FAM178B: variants seen among roughly 807,000 people sequenced by gnomAD.
FAM178B encodes protein FAM178B.
FAM178B carries 82 observed loss-of-function variants against 91.7 expected under a neutral mutation model. That is an observed-to-expected ratio of 0.89 (90% CI 0.75 to 1.07). The LOEUF is 1.07. Ranked by LOEUF, FAM178B falls within the 50% of genes least tolerant of loss-of-function variation. The probability of loss-of-function intolerance (pLI) is 0.00; values close to 1 mark genes in which losing one functional copy is unlikely to be tolerated. For synonymous variants in FAM178B, 368 were observed against 359.4 expected, an observed-to-expected ratio of 1.02 and a Z score of -0.27; for missense variants, 769 against 846.7, an observed-to-expected ratio of 0.91 and a Z score of 1.14.
intron 7 of FAM178B, among the ~76,000 whole-genome samples, chr2:96,951,085 G>A (rs917890880): frequency 1.3e-5 from 2 of 152,318 alleles, no homozygotes; most frequent in African/African-American, 4.8e-5. Flanking sequence ...GGAAAGCCAC[G>A]TGAGGGCACA....
At chr2:96,896,107 G>A (rs1409392466) in intron 13 of FAM178B, among the ~76,000 whole-genome samples, 2 of 152,196 alleles carry the variant, frequency 1.3e-5, no homozygotes, top group Non-Finnish European at 2.9e-5. Context: ...TCACAGCTGT[G>A]CAAGCATAGG....
At chr2:96,934,208 T>G (rs1008183575) in intron 8 of FAM178B, among the ~76,000 whole-genome samples, 1 of 152,146 alleles carries the variant, frequency 6.6e-6, no homozygotes, top group Non-Finnish European at 1.5e-5. Context: ...AGCCCAATGA[T>G]GCTGGGTGGC....
intron 6 of FAM178B, among the ~76,000 whole-genome samples, chr2:96,955,493 A>G (rs2081986923): frequency 6.6e-6 from 1 of 151,436 alleles, no homozygotes; most frequent in Non-Finnish European, 1.5e-5. Flanking sequence ...CCTGGGAGAC[A>G]GAGCAAGACT....
intron 7 of FAM178B, among the ~76,000 whole-genome samples, chr2:96,949,297 G>T (rs984148376): frequency 6.6e-6 from 1 of 152,166 alleles, no homozygotes; most frequent in African/African-American, 2.4e-5. Flanking sequence ...GGCTCAGTAG[G>T]GACCCCAGGT....
In FAM178B at chr2:96,960,418, C is replaced by T. The variant is rs1156968870; in HGVS notation, c.757G>A (p.Val253Met). The T allele has an allele frequency of 1.3e-6, 2 of 1,548,480 alleles. No individual in the cohort carries two copies. Among genetic ancestry groups the T allele is most frequent in the African/African-American group, 2.7e-5 (2 of 72,986 alleles). ...ACCGGCGGGATGGTCTGCAGGGACA[C>T]TGAGTACTTTTCCACCAGCATCCTG... is the stretch of plus-strand genomic sequence containing the variant. ...EHRMLVEKYS[V>M]SLQTIPPVHP... The change falls in exon 6 of 17, where the codon GTG (valine) becomes ATG (methionine). Residue 253 changes from valine to methionine, a missense_variant. Coordinates refer to ENST00000490605, the MANE Select transcript of FAM178B (RefSeq NM_001122646.3).
At chr2:96,977,230 C>T (rs1237211182) in intron 1 of FAM178B, among the ~76,000 whole-genome samples, 7 of 79,930 alleles carry the variant, frequency 8.8e-5, no homozygotes, top group Non-Finnish European at 1.8e-4. Context: ...AAAGAAAATA[C>T]AAAAATTAGC....
chr2:96,885,222 T>C (rs924675678), intron 14 of FAM178B, among the ~76,000 whole-genome samples: 3 of 152,210 alleles, frequency 2.0e-5, no homozygotes, highest in Non-Finnish European at 4.4e-5. Context: ...TGAATGGCCA[T>C]TGAATGGAAG....
intron 1 of FAM178B, among the ~76,000 whole-genome samples, chr2:96,983,449 G>C (rs1477741723): frequency 1.3e-5 from 2 of 151,632 alleles, no homozygotes; most frequent in African/African-American, 4.8e-5. Flanking sequence ...ATATATTTTT[G>C]AGACATAGTC....
At chr2:96,961,312 G>GGTGTCTGTGT in intron 5 of FAM178B, among the ~76,000 whole-genome samples, 1 of 146,842 alleles carries the variant, frequency 6.8e-6, no homozygotes, top group African/African-American at 2.5e-5. Context: ...AGCAGCAGAG[G>GGTGTCTGTGT]GTGTGTGTGT....
chr2:96,905,557 A>C (rs2081014231), intron 12 of FAM178B, among the ~76,000 whole-genome samples: 1 of 111,440 alleles, frequency 9.0e-6, no homozygotes, highest in Non-Finnish European at 2.0e-5. Context: ...ACTCCATCTC[A>C]AAAAAAAAAA....
chr2:96,916,250 A>C (rs1323145151), intron 12 of FAM178B, among the ~76,000 whole-genome samples: 1 of 152,184 alleles, frequency 6.6e-6, no homozygotes, highest in Non-Finnish European at 1.5e-5. Flanking sequence ...ATGAGCAGGG[A>C]AGCATATGCC....
chr2:96,901,330 G>A (rs535891904), intron 13 of FAM178B, among the ~76,000 whole-genome samples: 3 of 151,886 alleles, frequency 2.0e-5, no homozygotes, highest in South Asian at 4.2e-4. Flanking sequence ...CTGCCAGCAT[G>A]CCCGGCTAAT....
chr2:96,912,343 G>A (rs1167359986), intron 12 of FAM178B, among the ~76,000 whole-genome samples: 1 of 152,062 alleles, frequency 6.6e-6, no homozygotes, highest in African/African-American at 2.4e-5. Flanking sequence ...GAGTGCCCCA[G>A]TCCTGGATCG....
At chr2:96,882,489 G>T (rs1248453085) in intron 14 of FAM178B, among the ~76,000 whole-genome samples, 1 of 152,198 alleles carries the variant, frequency 6.6e-6, no homozygotes, top group Non-Finnish European at 1.5e-5. Flanking sequence ...TGAGAGCTGC[G>T]CTTCCTGCTT....
At chr2:96,907,742 G>GA (rs2153369786) in intron 12 of FAM178B, among the ~76,000 whole-genome samples, 1 of 152,362 alleles carries the variant, frequency 6.6e-6, no homozygotes, top group East Asian at 1.9e-4. Context: ...GGGCACCCAG[G>GA]AAGGCAAAGG....
At chr2:96,894,527 C>CACATACCCCCCG (rs2080767281) in intron 13 of FAM178B, among the ~76,000 whole-genome samples, 2 of 122,066 alleles carry the variant, frequency 1.6e-5, no homozygotes, top group African/African-American at 6.4e-5. Flanking sequence ...CAGACCCCCC[C>CACATACCCCCCG]ACACATACCC....
intron 1 of FAM178B, among the ~76,000 whole-genome samples, chr2:96,982,507 C>A (rs2082375081): frequency 6.6e-6 from 1 of 152,142 alleles, no homozygotes; most frequent in Non-Finnish European, 1.5e-5. Flanking sequence ...AAGCAATCCA[C>A]CCGCCTCAGT....
intron 8 of FAM178B, among the ~76,000 whole-genome samples, chr2:96,936,952 C>A (rs1352775199): frequency 6.6e-6 from 1 of 152,084 alleles, no homozygotes; most frequent in Non-Finnish European, 1.5e-5. Context: ...GAGCCTAACA[C>A]AGTGGTTCAC....
In FAM178B at chr2:96,876,012, G is replaced by A. The variant is rs2080232053; in HGVS notation, c.*264C>T. The A allele has an allele frequency of 1.5e-5, 8 of 538,202 alleles. No homozygotes were observed. In the South Asian group the frequency reaches 1.8e-4, roughly 12 times the overall value. The allele number at this position is 538,202 out of a possible 1,614,324, so 33.3% of individuals were successfully genotyped here. On this transcript the variant is annotated 3_prime_UTR_variant, in exon 17 of 17. Transcript: ENST00000490605. ...ATGGAGACAGAGGCCTTAGGGAAGA[G>A]GAGATGGCTGGGAGGAGGGCTGAGG...
Sources: allele counts gnomAD v4.1 joint callset (sites outside exome capture counted in the v4.1 genomes callset), GRCh38; gene constraint gnomAD v4.1.1; transcripts MANE v1.5; gene names NCBI Gene and HGNC (gene_info 2026-07-23, HGNC 2026-07-21).